Variants in SUCLG2 observed in about 807,000 individuals in gnomAD.
SUCLG2 encodes succinate--CoA ligase [GDP-forming] subunit beta, mitochondrial.
SUCLG2 carries 42 observed loss-of-function variants against 47.9 expected under a neutral mutation model. The ratio of observed to expected loss-of-function variants is 0.88; its 90% CI spans 0.69 to 1.14. The LOEUF (loss-of-function observed/expected upper bound fraction) is 1.14. Ranked by LOEUF, SUCLG2 falls within the 50% of genes most tolerant of loss-of-function variation. The probability of loss-of-function intolerance (pLI) is 0.00; values close to 1 mark genes in which losing one functional copy is unlikely to be tolerated. For missense variants in SUCLG2, 571 were observed against 525.9 expected (o/e 1.09, Z -0.84); for synonymous variants, 195 against 197.3 (o/e 0.99, Z 0.10).
intron 2 of SUCLG2, among the ~76,000 whole-genome samples, chr3:67,591,500 G>A (rs1475855146): frequency 1.3e-5 from 2 of 152,148 alleles, no homozygotes; most frequent in Non-Finnish European, 2.9e-5. Flanking sequence ...AATCATGGGG[G>A]CCAGTCTTTC....
At chr3:67,629,351 GCA>G (rs960863238) in intron 1 of SUCLG2, among the ~76,000 whole-genome samples, 8 of 152,324 alleles carry the variant, frequency 5.3e-5, no homozygotes, top group Admixed American at 5.2e-4. Context: ...CAGGCCACCT[GCA>G]CACACAGGGG....
intron 2 of SUCLG2, among the ~76,000 whole-genome samples, chr3:67,574,224 C>A (rs115421333): frequency 0.018 from 2,813 of 152,262 alleles, 79 homozygotes; most frequent in African/African-American, 0.063. Flanking sequence ...CCCTAGTAAT[C>A]CAGGATAATC....
At chr3:67,426,878 G>T (rs1293328530) in intron 9 of SUCLG2, among the ~76,000 whole-genome samples, 1 of 152,000 alleles carries the variant, frequency 6.6e-6, no homozygotes. Context: ...AGTGAGCTGA[G>T]ATCTTGCCAC....
intron 9 of SUCLG2, among the ~76,000 whole-genome samples, chr3:67,412,809 A>G (rs529779094): frequency 1.3e-5 from 2 of 152,284 alleles, no homozygotes; most frequent in African/African-American, 4.8e-5. Context: ...ATTTTTAAAA[A>G]TAAACTTTCC....
At chr3:67,442,672 C>G (rs1002256937) in intron 9 of SUCLG2, among the ~76,000 whole-genome samples, 4 of 152,146 alleles carry the variant, frequency 2.6e-5, no homozygotes, top group Non-Finnish European at 5.9e-5. Context: ...AAATGCCAAC[C>G]CATACAAATG....
chr3:67,397,669 C>T (rs2106806324), intron 10 of SUCLG2, among the ~76,000 whole-genome samples: 2 of 152,292 alleles, frequency 1.3e-5, no homozygotes. Flanking sequence ...GAAAAAACTA[C>T]TTTAAAGTTC....
intron 10 of SUCLG2, among the ~76,000 whole-genome samples, chr3:67,399,824 T>C (rs1257779225): frequency 5.3e-5 from 8 of 152,164 alleles, no homozygotes. Context: ...TTCAATAAAC[T>C]ATTACCAATA....
intron 1 of SUCLG2, among the ~76,000 whole-genome samples, chr3:67,632,106 C>T (rs1700935993): frequency 6.6e-6 from 1 of 152,172 alleles, no homozygotes; most frequent in Admixed American, 6.5e-5. Flanking sequence ...AAAAGTTTCT[C>T]TCTGCATTGA....
intron 9 of SUCLG2, among the ~76,000 whole-genome samples, chr3:67,464,909 T>C (rs1450538617): frequency 6.6e-6 from 1 of 152,186 alleles, no homozygotes; most frequent in Non-Finnish European, 1.5e-5. Context: ...AAAGAGGGCA[T>C]GGCATAGTGA....
intron 10 of SUCLG2, among the ~76,000 whole-genome samples, chr3:67,388,830 GTA>G (rs1056317932): frequency 9.2e-5 from 14 of 152,300 alleles, no homozygotes; most frequent in African/African-American, 3.1e-4. Context: ...CAAAGAAGTA[GTA>G]TAAAAGGAGA....
intron 10 of SUCLG2, among the ~76,000 whole-genome samples, chr3:67,381,259 G>A (rs1410236062): frequency 6.6e-6 from 1 of 151,876 alleles, no homozygotes; most frequent in Non-Finnish European, 1.5e-5. Context: ...ACAGGTTATT[G>A]AAAAAGAAAA....
At chr3:67,581,312 T>G (rs925325210) in intron 2 of SUCLG2, among the ~76,000 whole-genome samples, 1 of 152,160 alleles carries the variant, frequency 6.6e-6, no homozygotes, top group African/African-American at 2.4e-5. Context: ...ATACTGAAAA[T>G]AAGACTTGGT....
At chr3:67,578,866 G>A (rs965063674) in intron 2 of SUCLG2, among the ~76,000 whole-genome samples, 1 of 152,202 alleles carries the variant, frequency 6.6e-6, no homozygotes, top group Non-Finnish European at 1.5e-5. Flanking sequence ...GGGCCTCAGA[G>A]GAGAAAAAGG....
chr3:67,402,075 A>C (rs187359121), intron 9 of SUCLG2, among the ~76,000 whole-genome samples: 1 of 152,204 alleles, frequency 6.6e-6, no homozygotes, highest in African/African-American at 2.4e-5. Flanking sequence ...AGCTCCCTAG[A>C]TTGTCTACTG....
chr3:67,531,126 C>T (rs761686816), intron 2 of SUCLG2, among the ~76,000 whole-genome samples: 9 of 152,098 alleles, frequency 5.9e-5, no homozygotes, highest in South Asian at 2.1e-4. Flanking sequence ...AAGTGCCTGG[C>T]ACATTTTTTT....
At chr3:67,540,052 C>G (rs1359709680) in intron 2 of SUCLG2, among the ~76,000 whole-genome samples, 1 of 151,498 alleles carries the variant, frequency 6.6e-6, no homozygotes, top group East Asian at 2.0e-4. Flanking sequence ...GTGTCTCCAT[C>G]TCCTTCAGTT....
intron 2 of SUCLG2, among the ~76,000 whole-genome samples, chr3:67,549,676 G>C (rs563578481): frequency 5.2e-4 from 79 of 152,166 alleles, no homozygotes; most frequent in African/African-American, 1.7e-3. Context: ...TCTTTGACCT[G>C]GTAAGAGGAG....
chr3:67,485,932 G>A (rs548774194), intron 9 of SUCLG2, among the ~76,000 whole-genome samples: 2 of 152,190 alleles, frequency 1.3e-5, no homozygotes, highest in Non-Finnish European at 2.9e-5. Flanking sequence ...GATAAGAAAA[G>A]TTTTTTACTT....
chr3:67,409,471 G>C (rs998418283), intron 9 of SUCLG2, among the ~76,000 whole-genome samples: 1 of 152,136 alleles, frequency 6.6e-6, no homozygotes, highest in Non-Finnish European at 1.5e-5. Context: ...GAAGAATGAT[G>C]ATGGGGGCAC....
Sources: allele counts gnomAD v4.1 joint callset (sites outside exome capture counted in the v4.1 genomes callset), GRCh38; gene constraint gnomAD v4.1.1; transcripts MANE v1.5; gene names NCBI Gene and HGNC (gene_info 2026-07-23, HGNC 2026-07-21).